The following TRPC6 variants were observed in gnomAD, a reference collection of about 807,000 sequenced individuals.
TRPC6 encodes transient receptor potential cation channel subfamily C member 6.
TRPC6 carries 55 observed loss-of-function variants against 90.7 expected under a neutral mutation model. The observed-to-expected ratio is 0.61, with a 90% confidence interval of 0.49 to 0.76. TRPC6 has a LOEUF of 0.76. Among genes scored for constraint, TRPC6 ranks in the 30% least tolerant of loss-of-function variants. The pLI is 0.00. For synonymous variants in TRPC6, 393 were observed against 393.0 expected (o/e 1.00, Z 0.00); for missense variants, 989 against 1,122.7 (o/e 0.88, Z 1.70).
At chr11:101,577,946 C>A (rs1246656807) in intron 1 of TRPC6, among the ~76,000 whole-genome samples, 2 of 152,124 alleles carry the variant, frequency 1.3e-5, no homozygotes, top group Non-Finnish European at 2.9e-5. Context: ...ATAGGTATCT[C>A]TTTTGATATG....
chr11:101,551,067 C>T (rs984012020), intron 1 of TRPC6, among the ~76,000 whole-genome samples: 1 of 151,914 alleles, frequency 6.6e-6, no homozygotes, highest in Admixed American at 6.6e-5. Context: ...ACAAAGTGGT[C>T]AGTATCCATA....
chr11:101,491,378 G>A lies in TRPC6; in HGVS notation c.1128+178C>T, dbSNP rs539615021. On this transcript the variant is annotated intron_variant, in intron 3 of 12. Transcript: ENST00000344327. The stretch of plus-strand genomic sequence containing the variant: ...GAACCCGGGAGGCGGAGCTTGCAGT[G>A]AGCCGAGATCGCACCACTGCACTCC... 35 of 663,202 alleles carry A rather than the reference G, an allele frequency of 5.3e-5. No individual in the cohort carries two copies. The South Asian group carries it at 6.3e-4, about 12-fold the overall frequency. 41.1% of individuals were successfully genotyped at this position (663,202 alleles called of 1,614,324 possible). A position where few individuals can be genotyped will look rare whatever the true frequency, so the allele number is the denominator to read the frequency against.
At chr11:101,453,562 C>T (rs192795469) in intron 12 of TRPC6, 88 bp downstream of exon 12, 52 of 1,225,812 alleles carry the variant, frequency 4.2e-5, no homozygotes, top group East Asian at 4.2e-4. Context: ...TCTCCCTGTA[C>T]GCATCTCTGC....
At chr11:101,453,758 G>C in intron 11 of TRPC6, 33 bp from the exon 12 acceptor site, 1 of 1,590,016 alleles carries the variant, frequency 6.3e-7, no homozygotes, top group Non-Finnish European at 8.6e-7. Context: ...ATCTATGTCA[G>C]TTTCAGGTTC....
At chr11:101,460,263 CCTT>C (rs1858975865) in intron 10 of TRPC6, among the ~76,000 whole-genome samples, 1 of 152,126 alleles carries the variant, frequency 6.6e-6, no homozygotes, top group Non-Finnish European at 1.5e-5. Flanking sequence ...CCAAGACCCT[CCTT>C]CTGAGCACAC....
At chr11:101,564,769 T>C (rs1462683141) in intron 1 of TRPC6, among the ~76,000 whole-genome samples, 4 of 151,992 alleles carry the variant, frequency 2.6e-5, no homozygotes, top group Non-Finnish European at 4.4e-5. Context: ...AAAGTAATCT[T>C]GAGAAAGAAA....
chr11:101,479,086 A>C lies in TRPC6; in HGVS notation c.1511-2552T>G, dbSNP rs572452685. Among the ~76,000 whole-genome samples, 15 of 152,250 alleles carry C rather than the reference A, an allele frequency of 9.9e-5. No homozygotes were observed. In the South Asian group the frequency reaches 2.7e-3, roughly 27 times the overall value. On this transcript the variant is annotated intron_variant, in intron 5 of 12. Coordinates refer to ENST00000344327, the MANE Select transcript of TRPC6 (RefSeq NM_004621.6). Reference sequence around the variant, plus strand: ...GGTCTTACACCATGCCTCACCCTCCAGGGTAAGCTTCCCCAGCCCCCTCAA... The same window carrying C: ...GGTCTTACACCATGCCTCACCCTCCCGGGTAAGCTTCCCCAGCCCCCTCAA...
intron 10 of TRPC6, among the ~76,000 whole-genome samples, chr11:101,466,936 C>T (rs1859160812): frequency 6.6e-6 from 1 of 151,678 alleles, no homozygotes; most frequent in Non-Finnish European, 1.5e-5. Flanking sequence ...TGCACGGTTC[C>T]TCAGGCTCAG....
intron 1 of TRPC6, among the ~76,000 whole-genome samples, chr11:101,546,863 G>A (rs2136831164): frequency 6.6e-6 from 1 of 152,168 alleles, no homozygotes; most frequent in Admixed American, 6.5e-5. Context: ...ATTTATACAA[G>A]GGATACTGTA....
intron 1 of TRPC6, among the ~76,000 whole-genome samples, chr11:101,527,718 TC>T (rs914490878): frequency 5.3e-5 from 8 of 152,186 alleles, no homozygotes; most frequent in Non-Finnish European, 4.4e-5. Context: ...TGATTTTTTT[TC>T]CTATAGTTCT....
chr11:101,458,843 G>A (rs372759929), intron 10 of TRPC6, among the ~76,000 whole-genome samples: 1 of 152,142 alleles, frequency 6.6e-6, no homozygotes, highest in East Asian at 1.9e-4. Flanking sequence ...AATTCAAGAG[G>A]TCAGAGAGAG....
intron 1 of TRPC6, among the ~76,000 whole-genome samples, chr11:101,542,868 T>C (rs1353283170): frequency 6.6e-6 from 1 of 152,100 alleles, no homozygotes; most frequent in Non-Finnish European, 1.5e-5. Context: ...AAAATCTTTG[T>C]GACCTTAGAT....
chr11:101,512,080 G>A (rs1860407144), intron 1 of TRPC6, among the ~76,000 whole-genome samples: 1 of 147,934 alleles, frequency 6.8e-6, no homozygotes, highest in South Asian at 2.1e-4. Context: ...GAGGGTGAGA[G>A]AGTGAGCACC....
intron 2 of TRPC6, among the ~76,000 whole-genome samples, chr11:101,497,860 C>A (rs1389938505): frequency 1.3e-5 from 2 of 152,024 alleles, no homozygotes; most frequent in Non-Finnish European, 2.9e-5. Context: ...CCATTGCCCC[C>A]CACCCCCTGA....
intron 1 of TRPC6, among the ~76,000 whole-genome samples, chr11:101,570,228 G>A (rs934770948): frequency 2.0e-5 from 3 of 152,192 alleles, no homozygotes; most frequent in Non-Finnish European, 4.4e-5. Flanking sequence ...ACTACCATCA[G>A]AGAATACTAT....
intron 1 of TRPC6, among the ~76,000 whole-genome samples, chr11:101,530,548 CCCA>C (rs1221289170): frequency 9.2e-5 from 14 of 152,278 alleles, no homozygotes; most frequent in African/African-American, 3.1e-4. Context: ...CACCCAGGGT[CCCA>C]CCAAGTGACC....
chr11:101,569,076 A>T (rs1403338557), intron 1 of TRPC6, among the ~76,000 whole-genome samples: 1 of 152,200 alleles, frequency 6.6e-6, no homozygotes, highest in African/African-American at 2.4e-5. Context: ...AAGTTGGATG[A>T]AGAGTCAAGA....
chr11:101,487,701 T>G (rs1487298010), intron 4 of TRPC6, among the ~76,000 whole-genome samples: 1 of 152,178 alleles, frequency 6.6e-6, no homozygotes, highest in Non-Finnish European at 1.5e-5. Context: ...AATTGCACTA[T>G]TTTCATTTTA....
At chr11:101,483,561 T>C (rs1859602674) in intron 4 of TRPC6, among the ~76,000 whole-genome samples, 1 of 152,186 alleles carries the variant, frequency 6.6e-6, no homozygotes, top group Admixed American at 6.5e-5. Flanking sequence ...TTGCCAGGTA[T>C]AGAACCTTGG....
Sources: gnomAD v4.1 joint callset for allele counts (sites outside exome capture counted in the v4.1 genomes callset) on GRCh38, gnomAD v4.1.1 for gene constraint, MANE v1.5 for transcripts, NCBI Gene and HGNC (gene_info 2026-07-23, HGNC 2026-07-21) for gene names.